PCNA: variants seen among roughly 807,000 people sequenced by gnomAD.
The protein encoded by PCNA is proliferating cell nuclear antigen, also known as DNA sliding clamp PCNA.
PCNA carries 4 observed loss-of-function variants against 27.8 expected under a neutral mutation model. The ratio of observed to expected loss-of-function variants is 0.14; its 90% CI spans 0.07 to 0.33. PCNA has a LOEUF of 0.33. PCNA is among the 10% of genes least tolerant of loss of function. PCNA has a pLI of 1.00. For synonymous variants in PCNA, 121 were observed against 119.4 expected (o/e 1.01, Z -0.09); for missense variants, 165 against 327.4 (o/e 0.50, Z 3.83).
At chr20:5,122,363 G>A (rs1360920102), upstream of PCNA, among the ~76,000 whole-genome samples, 1 of 152,200 alleles carries the variant, frequency 6.6e-6, no homozygotes, top group Non-Finnish European at 1.5e-5. Context: ...AAAAATTTAA[G>A]CTACATTGGT....
In PCNA at chr20:5,117,474, T is replaced by G; in HGVS notation, c.578A>C (p.Glu193Ala). The change falls in exon 4 of 6, where the codon GAA becomes GCA. Residue 193 changes from glutamate to alanine, a missense_variant. By Grantham distance (107) the Glu-to-Ala change is moderately radical (BLOSUM62 -1). Transcript: ENST00000379143. ...SQTSNVDKEE[E>A]AVTIEMNEPV... Reference sequence around the variant, plus strand: ...TTTTACTTAAAAACTACTTACAGCTTCCTCCTCTTTATCGACATTACTTGT... The same window carrying G: ...TTTTACTTAAAAACTACTTACAGCTGCCTCCTCTTTATCGACATTACTTGT... 1 of 1,608,536 alleles carries G rather than the reference T, an allele frequency of 6.2e-7. No individual in the cohort carries two copies. Among genetic ancestry groups the G allele is most frequent in the Non-Finnish European group, 8.5e-7 (1 of 1,176,248 alleles).
Position 5,119,927 on chromosome 20 carries a change from C to T in PCNA, c.-129G>A. ...GACCGGCTGAGACCTAGAAAGACAA[C>T]GACCACTCTGCTACGCCTGCAACCG... On this transcript the variant is annotated 5_prime_UTR_variant, in exon 1 of 6. Coordinates refer to ENST00000379143, the MANE Select transcript of PCNA (RefSeq NM_182649.2). The T allele has an allele frequency of 5.7e-6, 4 of 702,608 alleles. No homozygotes were observed. The highest frequency in any genetic ancestry group is 9.7e-6 in the Non-Finnish European group (4 of 412,252). The allele number at this position is 702,608 out of a possible 1,614,324, so 43.5% of individuals were successfully genotyped here.
intron 4 of PCNA, among the ~76,000 whole-genome samples, chr20:5,116,360 C>G (rs1233335027): frequency 6.6e-6 from 1 of 151,860 alleles, no homozygotes; most frequent in Non-Finnish European, 1.5e-5. Flanking sequence ...AAGAAAAAAA[C>G]GAGGTTGGCA....
chr20:5,121,196 A>T (rs556865970), upstream of PCNA, among the ~76,000 whole-genome samples: 1 of 152,122 alleles, frequency 6.6e-6, no homozygotes, highest in African/African-American at 2.4e-5. Context: ...ACTTCTCTTT[A>T]GTTACTTTTA....
exon 1 of PCNA, chr20:5,126,504 G>C (rs2090549790): frequency 1.3e-5 from 2 of 152,246 alleles, no homozygotes; most frequent in African/African-American, 4.8e-5. Context: ...ACTTACTTGC[G>C]TAAGGGAAGA....
upstream of PCNA, among the ~76,000 whole-genome samples, chr20:5,122,318 CATTCTT>C (rs1235595505): frequency 1.3e-5 from 2 of 152,162 alleles, no homozygotes; most frequent in Non-Finnish European, 2.9e-5. Flanking sequence ...ACTTTAAAAA[CATTCTT>C]ATTATATATT....
At chr20:5,116,106 G>C (rs2090472928) in intron 4 of PCNA, among the ~76,000 whole-genome samples, 1 of 152,162 alleles carries the variant, frequency 6.6e-6, no homozygotes, top group African/African-American at 2.4e-5. Context: ...CCAAACTCTG[G>C]AAAACTTAAT....
At chr20:5,126,460 C>T (rs1171540443) in intron 1 of PCNA, 1 of 152,294 alleles carries the variant, frequency 6.6e-6, no homozygotes, top group Non-Finnish European at 1.5e-5. Flanking sequence ...CAGGTCGGCT[C>T]ACCTGGCCTT....
chr20:5,126,153 A>G (rs1253645654), intron 1 of PCNA, among the ~76,000 whole-genome samples: 1 of 152,194 alleles, frequency 6.6e-6, no homozygotes, highest in Non-Finnish European at 1.5e-5. Context: ...CAGTGAGTCG[A>G]GATCATGCCA....
chr20:5,118,271 G>A lies in PCNA; in HGVS notation c.387+339C>T, dbSNP rs140336381. 3.2e-3 allele frequency among the ~76,000 whole-genome samples: 487 copies of A among 152,294 alleles called. 4 individuals are homozygous for A. The highest frequency in any genetic ancestry group is 0.011 in the African/African-American group (464 of 41,554). ...TCTAGAAAAAGTTGTTATGAAGTAGGCTTAAATTATATTAACATATCTTGA... is the reference window on the plus strand; with the variant it reads ...TCTAGAAAAAGTTGTTATGAAGTAGACTTAAATTATATTAACATATCTTGA... On this transcript the variant is annotated intron_variant, in intron 3 of 5. Transcript: ENST00000379143.
At chr20:5,124,169 C>G (rs2090532188), upstream of PCNA, among the ~76,000 whole-genome samples, 1 of 152,190 alleles carries the variant, frequency 6.6e-6, no homozygotes. Context: ...GAAGTAGGCA[C>G]TTAAATACAT....
intron 4 of PCNA, 22 bp downstream of exon 4, chr20:5,117,448 T>G: frequency 6.4e-7 from 1 of 1,554,556 alleles, no homozygotes; most frequent in Non-Finnish European, 8.8e-7. Context: ...AACTATTTTC[T>G]TTTTACTTAA....
At chr20:5,125,093 C>T (rs1022951977) in intron 1 of PCNA, among the ~76,000 whole-genome samples, 1 of 152,156 alleles carries the variant, frequency 6.6e-6, no homozygotes, top group Admixed American at 6.6e-5. Flanking sequence ...AATCCCAGAA[C>T]TTTAGGAGGC....
intron 4 of PCNA, among the ~76,000 whole-genome samples, chr20:5,115,818 C>T (rs868270881): frequency 6.6e-6 from 1 of 152,092 alleles, no homozygotes; most frequent in Non-Finnish European, 1.5e-5. Context: ...TTCTAATAAG[C>T]AGCCAATAAG....
chr20:5,122,864 T>C (rs2090525772), upstream of PCNA, among the ~76,000 whole-genome samples: 1 of 152,272 alleles, frequency 6.6e-6, no homozygotes, highest in African/African-American at 2.4e-5. Flanking sequence ...GGATCCACCA[T>C]GTACATCAAT....
intron 4 of PCNA, among the ~76,000 whole-genome samples, chr20:5,116,479 A>G (rs2090476181): frequency 1.3e-5 from 2 of 152,220 alleles, no homozygotes; most frequent in Non-Finnish European, 2.9e-5. Context: ...CTAAATGTTG[A>G]CTACCCATTC....
chr20:5,118,074 A>C (rs2090488280), intron 3 of PCNA, among the ~76,000 whole-genome samples: 1 of 152,256 alleles, frequency 6.6e-6, no homozygotes, highest in African/African-American at 2.4e-5. Context: ...AATCCACTTA[A>C]TAAAAAGCAA....
Position 5,119,907 on chromosome 20 carries a change from G to T in PCNA, c.-109C>A. On this transcript the variant is annotated 5_prime_UTR_variant, in exon 1 of 6. Coordinates refer to ENST00000379143, the MANE Select transcript of PCNA (RefSeq NM_182649.2). ...GAGCGGGCGAACGTCGCGACGACCG[G>T]CTGAGACCTAGAAAGACAACGACCA... The T allele has an allele frequency of 1.2e-6, 1 of 806,512 alleles. No individual in the cohort carries two copies. Among genetic ancestry groups the T allele is most frequent in the Non-Finnish European group, 2.0e-6 (1 of 496,268 alleles). 50.0% of individuals were successfully genotyped at this position (806,512 alleles called of 1,614,324 possible).
upstream of PCNA, among the ~76,000 whole-genome samples, chr20:5,122,142 T>A (rs996649132): frequency 6.6e-6 from 1 of 152,058 alleles, no homozygotes; most frequent in Non-Finnish European, 1.5e-5. Flanking sequence ...CCATCACACC[T>A]GGCTAATTTT....
Sources: allele counts gnomAD v4.1 joint callset (sites outside exome capture counted in the v4.1 genomes callset), GRCh38; gene constraint gnomAD v4.1.1; transcripts MANE v1.5; gene names NCBI Gene and HGNC (gene_info 2026-07-23, HGNC 2026-07-21).